The following IFNA21 variants were observed in gnomAD, a reference collection of about 807,000 sequenced individuals.
IFNA21 encodes interferon alpha-21.
For missense variants in IFNA21, 272 were observed against 212.7 expected (o/e 1.28, Z -1.73); for synonymous variants, 101 against 82.9 (o/e 1.22, Z -1.19).
rs1319730094 is a variant in IFNA21, at chr9:21,166,639, A to G, written c.-27T>C. 1.2e-6 allele frequency: 2 copies of G among 1,600,246 alleles called. No homozygotes were observed. The highest frequency in any genetic ancestry group is 1.7e-6 in the Non-Finnish European group (2 of 1,172,826). ...GGGATGTTGCCAATATTGCTAGGCT[A>G]CTTGAGATGGGTAACCTTGAACCTT... On this transcript the variant is annotated 5_prime_UTR_variant, in exon 1 of 1. Coordinates refer to ENST00000380225, the MANE Select transcript of IFNA21 (RefSeq NM_002175.2).
chr9:21,165,899 C>T lies in IFNA21; in HGVS notation c.*144G>A. The T allele has an allele frequency of 9.4e-7, 1 of 1,060,260 alleles. No individual in the cohort carries two copies. Among genetic ancestry groups the T allele is most frequent in the Non-Finnish European group, 1.4e-6 (1 of 740,430 alleles). 65.7% of individuals were successfully genotyped at this position (1,060,260 alleles called of 1,614,324 possible). On this transcript the variant is annotated 3_prime_UTR_variant, in exon 1 of 1. Transcript: ENST00000380225. ...GCCTGCACAGGTAAACATGATGTTT[C>T]CTTACACTCCTGAAAAGATCTGAAA...
chr9:21,166,188 G>C lies in IFNA21; in HGVS notation c.425C>G (p.Ala142Gly), dbSNP rs778157694. 3.0e-5 allele frequency: 48 copies of C among 1,614,040 alleles called. No individual in the cohort carries two copies. The South Asian group carries it at 4.8e-4, about 16-fold the overall frequency. Residue 142 changes from alanine (A) to glycine (G), a missense_variant, in exon 1 of 1, where the codon GCT (alanine) becomes GGT (glycine). Coordinates refer to ENST00000380225, the MANE Select transcript of IFNA21 (RefSeq NM_002175.2). ...TPLMNVDSIL[A>G]VKKYFQRITL... The stretch of plus-strand genomic sequence containing the variant: ...GATTCTTTGGAAGTATTTCTTCACA[G>C]CCAGGATGGAGTCCACATTCATCAG...
At position 21,166,623 on chromosome 9, in the gene IFNA21, C is replaced by A. The variant is rs1236141680; in HGVS notation, c.-11G>T. ...AAAGGACAGGGCCATTGGGATGTTG[C>A]CAATATTGCTAGGCTACTTGAGATG... On this transcript the variant is annotated 5_prime_UTR_variant, in exon 1 of 1. Coordinates refer to ENST00000380225, the MANE Select transcript of IFNA21 (RefSeq NM_002175.2). The A allele has an allele frequency of 6.2e-7, 1 of 1,607,878 alleles. No homozygotes were observed. The highest frequency in any genetic ancestry group is 8.5e-7 in the Non-Finnish European group (1 of 1,176,738).
At position 21,166,475 on chromosome 9, in the gene IFNA21, T is replaced by C. The variant is rs565381326; in HGVS notation, c.138A>G (p.Arg46=). ...CCTTCAGGCAGGAGAAAGGAGAGAT[T>C]CTTCCCATTTGTGCCAGGAGTATCA... ...RALILLAQMG[R]ISPFSCLKDR... The change falls in exon 1 of 1, where the codon AGA becomes AGG. Residue 46 remains arginine (R), a synonymous_variant. Coordinates refer to ENST00000380225, the MANE Select transcript of IFNA21 (RefSeq NM_002175.2). 15 of 1,614,078 alleles carry C rather than the reference T, an allele frequency of 9.3e-6. No individual in the cohort carries two copies. Among genetic ancestry groups the C allele is most frequent in the Non-Finnish European group, 7.6e-6 (9 of 1,180,010 alleles).
rs1321394971 is a variant in IFNA21 at position 21,166,328 on chromosome 9, G to A, written c.285C>T (p.Asp95=). 8.7e-6 allele frequency: 14 copies of A among 1,614,152 alleles called. No individual in the cohort carries two copies. The highest frequency in any genetic ancestry group is 1.2e-5 in the Non-Finnish European group (14 of 1,180,016). Residue 95 remains aspartate (D), a synonymous_variant, in exon 1 of 1, where the codon GAC becomes GAT. Coordinates refer to ENST00000380225, the MANE Select transcript of IFNA21 (RefSeq NM_002175.2). ...GGCTCTGTTCCCAAGTAGCAGATGAGTCCTTTGTGCTGAAGAGATTGAAGG... is the reference window on the plus strand; with the variant it reads ...GGCTCTGTTCCCAAGTAGCAGATGAATCCTTTGTGCTGAAGAGATTGAAGG... The part of the protein sequence containing the change: ...QQTFNLFSTK[D]SSATWEQSLL...
In IFNA21 at chr9:21,166,028, A is replaced by G. The variant is rs889733084; in HGVS notation, c.*15T>C. On this transcript the variant is annotated 3_prime_UTR_variant, in exon 1 of 1. Transcript: ENST00000380225. ...GTATTAGTCAATACAGATCATTTCC[A>G]TGTTGAAACAGGTTTCATTCCTTCC... is the stretch of plus-strand genomic sequence containing the variant. 1.2e-6 allele frequency: 2 copies of G among 1,611,210 alleles called. No homozygotes were observed. The highest frequency in any genetic ancestry group is 1.7e-5 in the Admixed American group (1 of 59,640).
chr9:21,166,033 G>A lies in IFNA21; in HGVS notation c.*10C>T, dbSNP rs1223136597. 6.2e-7 allele frequency: 1 copy of A among 1,611,884 alleles called. No individual in the cohort carries two copies. Among genetic ancestry groups the A allele is most frequent in the South Asian group, 1.1e-5 (1 of 90,920 alleles). The stretch of plus-strand genomic sequence containing the variant: ...AGTCAATACAGATCATTTCCATGTT[G>A]AAACAGGTTTCATTCCTTCCTCCTT... On this transcript the variant is annotated 3_prime_UTR_variant, in exon 1 of 1. Transcript: ENST00000380225.
In IFNA21 at chr9:21,166,648, G is replaced by C. The variant is rs775711516; in HGVS notation, c.-36C>G. The C allele has an allele frequency of 6.3e-7, 1 of 1,593,262 alleles. No homozygotes were observed. The highest frequency in any genetic ancestry group is 1.3e-5 in the African/African-American group (1 of 74,218). ...CCAATATTGCTAGGCTACTTGAGAT[G>C]GGTAACCTTGAACCTTGGCCTCTAG... On this transcript the variant is annotated 5_prime_UTR_variant, in exon 1 of 1. Transcript: ENST00000380225.
rs962524300 is a variant in IFNA21 at position 21,166,123 on chromosome 9, A to G, written c.490T>C (p.Trp164Arg). ...LTEKKYSPCA[W>R]EVVRAEIMRS... Reference sequence around the variant, plus strand: ...ATGATTTCTGCTCTGACAACCTCCCAGGCACAAGGGCTGTATTTCTTCTCT... The same window carrying G: ...ATGATTTCTGCTCTGACAACCTCCCGGGCACAAGGGCTGTATTTCTTCTCT... Residue 164 changes from tryptophan (W) to arginine (R), a missense_variant, in exon 1 of 1, where the codon TGG becomes CGG. By Grantham distance (101) the Trp-to-Arg change is moderately radical (BLOSUM62 -3). Transcript: ENST00000380225. The G allele has an allele frequency of 6.2e-7, 1 of 1,614,158 alleles. No individual in the cohort carries two copies. The highest frequency in any genetic ancestry group is 8.5e-7 in the Non-Finnish European group (1 of 1,180,004).
Position 21,166,302 on chromosome 9 carries a change from A to T in IFNA21, c.311T>A (p.Leu104His). Reference protein sequence around the residue: ...KDSSATWEQSLLEKFSTELNQ... With the variant: ...KDSSATWEQSHLEKFSTELNQ... ...AAGTTCAGTGGAAAATTTTTCTAGG[A>T]GGCTCTGTTCCCAAGTAGCAGATGA... Residue 104 changes from leucine to histidine, a missense_variant, in exon 1 of 1, where the codon CTC becomes CAC. Coordinates refer to ENST00000380225, the MANE Select transcript of IFNA21 (RefSeq NM_002175.2). The T allele has an allele frequency of 1.9e-6, 3 of 1,614,108 alleles. No individual in the cohort carries two copies. Among genetic ancestry groups the T allele is most frequent in the Non-Finnish European group, 2.5e-6 (3 of 1,180,004 alleles).
chr9:21,166,197 G>T lies in IFNA21; in HGVS notation c.416C>A (p.Ser139Tyr). ...GAAGTATTTCTTCACAGCCAGGATG[G>T]AGTCCACATTCATCAGGGGAGTCTC... ...VEETPLMNVDSILAVKKYFQR... is the reference protein window; with the variant it reads ...VEETPLMNVDYILAVKKYFQR... The change falls in exon 1 of 1, where the codon TCC becomes TAC. Residue 139 changes from serine (S) to tyrosine (Y), a missense_variant. By Grantham distance (144) the Ser-to-Tyr change is moderately radical. Coordinates refer to ENST00000380225, the MANE Select transcript of IFNA21 (RefSeq NM_002175.2). 6.2e-7 allele frequency: 1 copy of T among 1,614,176 alleles called. No individual in the cohort carries two copies. The highest frequency in any genetic ancestry group is 8.5e-7 in the Non-Finnish European group (1 of 1,180,008).
Position 21,166,347 on chromosome 9 carries a change from T to C in IFNA21, c.266A>G (p.Asn89Ser). The C allele has an allele frequency of 6.2e-7, 1 of 1,614,120 alleles. No homozygotes were observed. Among genetic ancestry groups the C allele is most frequent in the Non-Finnish European group, 8.5e-7 (1 of 1,179,998 alleles). The part of the protein sequence containing the change: ...VLHEMIQQTF[N>S]LFSTKDSSAT... ...AGATGAGTCCTTTGTGCTGAAGAGA[T>C]TGAAGGTCTGCTGGATCATCTCATG... Residue 89 changes from asparagine (N) to serine (S), a missense_variant, in exon 1 of 1, where the codon AAT becomes AGT. Physicochemically the swap from Asn to Ser is conservative, Grantham distance 46. Coordinates refer to ENST00000380225, the MANE Select transcript of IFNA21 (RefSeq NM_002175.2).
Position 21,166,269 on chromosome 9 carries a change from T to G in IFNA21, c.344A>C (p.Gln115Pro), listed in dbSNP as rs1346064147. ...CACGCAGGCTTCCAGGTCATTCAGC[T>G]GCTGGTTAAGTTCAGTGGAAAATTT... ...LEKFSTELNQ[Q>P]LNDLEACVIQ... The change falls in exon 1 of 1, where the codon CAG (glutamine) becomes CCG (proline). Residue 115 changes from glutamine (Q) to proline (P), a missense_variant. Physicochemically the swap from Gln to Pro is moderately conservative, Grantham distance 76. Coordinates refer to ENST00000380225, the MANE Select transcript of IFNA21 (RefSeq NM_002175.2). The G allele has an allele frequency of 1.9e-6, 3 of 1,614,064 alleles. No homozygotes were observed. The highest frequency in any genetic ancestry group is 1.7e-6 in the Non-Finnish European group (2 of 1,180,024).
Position 21,166,656 on chromosome 9 carries a change from T to G in IFNA21, c.-44A>C, listed in dbSNP as rs774858216. 21 of 1,582,642 alleles carry G rather than the reference T, an allele frequency of 1.3e-5. No individual in the cohort carries two copies. The highest frequency in any genetic ancestry group is 1.8e-5 in the Non-Finnish European group (21 of 1,165,314). On this transcript the variant is annotated 5_prime_UTR_variant, in exon 1 of 1. Transcript: ENST00000380225. ...GCTAGGCTACTTGAGATGGGTAACCTTGAACCTTGGCCTCTAGGTTTTCTG... is the reference window on the plus strand; with the variant it reads ...GCTAGGCTACTTGAGATGGGTAACCGTGAACCTTGGCCTCTAGGTTTTCTG...
rs781479402 is a variant in IFNA21, at chr9:21,166,320, G to A, written c.293C>T (p.Ala98Val). 1.8e-5 allele frequency: 29 copies of A among 1,613,992 alleles called. No homozygotes were observed. The highest frequency in any genetic ancestry group is 2.4e-5 in the Non-Finnish European group (28 of 1,180,002). Reference protein sequence around the residue: ...FNLFSTKDSSATWEQSLLEKF... With the variant: ...FNLFSTKDSSVTWEQSLLEKF... ...TTCTAGGAGGCTCTGTTCCCAAGTA[G>A]CAGATGAGTCCTTTGTGCTGAAGAG... is the stretch of plus-strand genomic sequence containing the variant. Residue 98 changes from alanine (A) to valine (V), a missense_variant, in exon 1 of 1, where the codon GCT becomes GTT. Transcript: ENST00000380225.
chr9:21,165,935 A>T lies in IFNA21; in HGVS notation c.*108T>A, dbSNP rs575008591. 6.5e-5 allele frequency: 91 copies of T among 1,393,196 alleles called. 1 individual carries two copies. Among genetic ancestry groups the T allele is most frequent in the South Asian group, 5.6e-4 (39 of 69,946 alleles). The allele number at this position is 1,393,196 out of a possible 1,614,324, so 86.3% of individuals were successfully genotyped here. On this transcript the variant is annotated 3_prime_UTR_variant, in exon 1 of 1. Coordinates refer to ENST00000380225, the MANE Select transcript of IFNA21 (RefSeq NM_002175.2). ...TGAAAAGATCTGAAAATTTTGATTC[A>T]ACTCATGCGGTGGTTATAGGAGAAA...
chr9:21,165,937 C>T lies in IFNA21; in HGVS notation c.*106G>A. 1.4e-6 allele frequency: 2 copies of T among 1,408,408 alleles called. No individual in the cohort carries two copies. The highest frequency in any genetic ancestry group is 1.4e-5 in the South Asian group (1 of 70,660). 87.2% of individuals were successfully genotyped at this position (1,408,408 alleles called of 1,614,324 possible). A position where few individuals can be genotyped will look rare whatever the true frequency, so the allele number is the denominator to read the frequency against. Reference sequence around the variant, plus strand: ...AAAAGATCTGAAAATTTTGATTCAACTCATGCGGTGGTTATAGGAGAAATG... The same window carrying T: ...AAAAGATCTGAAAATTTTGATTCAATTCATGCGGTGGTTATAGGAGAAATG... On this transcript the variant is annotated 3_prime_UTR_variant, in exon 1 of 1. Transcript: ENST00000380225.
chr9:21,165,861 G>A lies in IFNA21; in HGVS notation c.*182C>T. The A allele has an allele frequency of 1.6e-6, 1 of 632,470 alleles. No homozygotes were observed. The allele number at this position is 632,470 out of a possible 1,614,324, so 39.2% of individuals were successfully genotyped here. On this transcript the variant is annotated 3_prime_UTR_variant, in exon 1 of 1. Transcript: ENST00000380225. ...ATTAGATCTATCAGCATGGTCATCT[G>A]TAAAGGACTAGTGCCTGCACAGGTA... is the stretch of plus-strand genomic sequence containing the variant.
rs375429553 is a variant in IFNA21, at chr9:21,166,444, G to T, written c.169C>A (p.His57Asn). ...ISPFSCLKDR[H>N]DFGFPQEEFD... ...TCCTCCTGGGGGAATCCAAAGTCAT[G>T]TCTGTCCTTCAGGCAGGAGAAAGGA... is the stretch of plus-strand genomic sequence containing the variant. The change falls in exon 1 of 1, where the codon CAT becomes AAT. Residue 57 changes from histidine (H) to asparagine (N), a missense_variant. By Grantham distance (68) the His-to-Asn change is moderately conservative (BLOSUM62 1). Coordinates refer to ENST00000380225, the MANE Select transcript of IFNA21 (RefSeq NM_002175.2). 6.2e-7 allele frequency: 1 copy of T among 1,614,154 alleles called. No homozygotes were observed. The highest frequency in any genetic ancestry group is 8.5e-7 in the Non-Finnish European group (1 of 1,180,030).
Sources: gnomAD v4.1 joint callset for allele counts on GRCh38, gnomAD v4.1.1 for gene constraint, MANE v1.5 for transcripts, NCBI Gene and HGNC (gene_info 2026-07-23, HGNC 2026-07-21) for gene names.